The following ATM variants were observed in gnomAD, a reference collection of about 807,000 sequenced individuals.
ATM encodes serine-protein kinase ATM.
A neutral mutation model predicts 387.0 loss-of-function variants in ATM; 308 were observed. The ratio of observed to expected loss-of-function variants is 0.80; its 90% CI spans 0.73 to 0.87. The LOEUF is 0.87. Ranked by LOEUF, ATM falls within the 40% of genes least tolerant of loss-of-function variation. ATM has a pLI of 0.00. For missense variants in ATM, 3,312 were observed against 3,560.9 expected, an observed-to-expected ratio of 0.93 and a Z score of 1.78; for synonymous variants, 1,156 against 1,187.3, an observed-to-expected ratio of 0.97 and a Z score of 0.54.
intron 5 of ATM, among the ~76,000 whole-genome samples, chr11:108,240,951 A>G (rs1416233440): frequency 1.3e-5 from 2 of 152,224 alleles, no homozygotes; most frequent in Non-Finnish European, 2.9e-5. Context: ...TTAAAATACA[A>G]ATGCATTGTA....
intron 20 of ATM, 27 bp downstream of exon 20, chr11:108,271,433 A>G (rs200922643): frequency 1.9e-5 from 30 of 1,613,596 alleles, no homozygotes; most frequent in African/African-American, 8.0e-5. Context: ...TTGTGGTCCT[A>G]TTTTTCTTTT....
chr11:108,346,158 CTTCT>C (rs2088362234), intron 58 of ATM, among the ~76,000 whole-genome samples: 1 of 151,990 alleles, frequency 6.6e-6, no homozygotes, highest in Admixed American at 6.6e-5. Context: ...ACAGGGTTTT[CTTCT>C]TTGTTTTATA....
At chr11:108,325,264 T>C in intron 45 of ATM, 46 bp from the exon 46 acceptor site, 1 of 1,085,966 alleles carries the variant, frequency 9.2e-7, no homozygotes, top group Non-Finnish European at 1.3e-6. Context: ...TTTTTTTTTT[T>C]TTTTCATTTC....
Position 108,247,140 on chromosome 11 carries a change from G to A in ATM, c.1065+13G>A, listed in dbSNP as rs2135270116. On this transcript the variant is annotated intron_variant, in intron 8 of 62. Transcript: ENST00000675843. ...TATCTGTCACCAGGTACAGTAAGTAGGTCATGTCACATTTAGAAATTTCCT... is the reference window on the plus strand; with the variant it reads ...TATCTGTCACCAGGTACAGTAAGTAAGTCATGTCACATTTAGAAATTTCCT... 5 of 1,613,112 alleles carry A rather than the reference G, an allele frequency of 3.1e-6. No homozygotes were observed. The highest frequency in any genetic ancestry group is 4.2e-6 in the Non-Finnish European group (5 of 1,179,580).
intron 57 of ATM, 39 bp downstream of exon 57, chr11:108,343,410 T>C (rs1555135972): frequency 6.2e-7 from 1 of 1,610,050 alleles, no homozygotes; most frequent in Non-Finnish European, 8.5e-7. Flanking sequence ...TGTAAGATTA[T>C]TTAATGGCTT....
intron 14 of ATM, among the ~76,000 whole-genome samples, chr11:108,256,980 G>T (rs1466837935): frequency 6.6e-6 from 1 of 152,138 alleles, no homozygotes; most frequent in African/African-American, 2.4e-5. Flanking sequence ...ATAAACATAC[G>T]TGTGCATGTG....
chr11:108,231,997 GAT>G (rs1355755815), intron 4 of ATM, among the ~76,000 whole-genome samples: 1 of 152,176 alleles, frequency 6.6e-6, no homozygotes, highest in African/African-American at 2.4e-5. Context: ...ATAATGCTGG[GAT>G]ATAGTAGGTA....
Position 108,335,904 on chromosome 11 carries a change from A to C in ATM, c.8211A>C (p.Thr2737=), listed in dbSNP as rs876660946. The stretch of plus-strand genomic sequence containing the variant: ...AACAGGTCTTCCAGATGTGTAATAC[A>C]TTACTGCAGAGAAACACGGAAACTA... ...VMQQVFQMCN[T]LLQRNTETRK... The change falls in exon 56 of 63, where the codon ACA becomes ACC. Residue 2737 remains threonine, a synonymous_variant. Coordinates refer to ENST00000675843, the MANE Select transcript of ATM (RefSeq NM_000051.4). The C allele has an allele frequency of 6.2e-7, 1 of 1,614,078 alleles. No individual in the cohort carries two copies. Among genetic ancestry groups the C allele is most frequent in the Non-Finnish European group, 8.5e-7 (1 of 1,179,976 alleles).
chr11:108,327,638 T>C lies in ATM; in HGVS notation c.6976-7T>C. The stretch of plus-strand genomic sequence containing the variant: ...TTATATTTTAAGATTTTGCCTTTCT[T>C]ATACAGAACAATCCCAGCCTAAAAC... On this transcript the variant is annotated splice_region_variant and splice_polypyrimidine_tract_variant and intron_variant, in intron 47 of 62. Transcript: ENST00000675843. 6.2e-7 allele frequency: 1 copy of C among 1,611,364 alleles called. No homozygotes were observed. The highest frequency in any genetic ancestry group is 1.1e-5 in the South Asian group (1 of 91,006).
intron 56 of ATM, among the ~76,000 whole-genome samples, chr11:108,337,536 G>A (rs1417946041): frequency 6.6e-6 from 1 of 152,152 alleles, no homozygotes; most frequent in Non-Finnish European, 1.5e-5. Context: ...CAAGATTAGG[G>A]TAGAACCTGT....
rs2080310621 is a variant in ATM, at chr11:108,253,964, C to T, written c.2049C>T (p.His683=). ...AGTCCAGTATTGGCTTCTCTGTCCACCAGAATCTCAAGGAATCACTGGATC... is the reference window on the plus strand; with the variant it reads ...AGTCCAGTATTGGCTTCTCTGTCCATCAGAATCTCAAGGAATCACTGGATC... The part of the protein sequence containing the change: ...KHQSSIGFSV[H]QNLKESLDRC... Residue 683 remains histidine (H), a synonymous_variant, in exon 13 of 63, where the codon CAC becomes CAT. Transcript: ENST00000675843. The T allele has an allele frequency of 6.2e-7, 1 of 1,613,910 alleles. No individual in the cohort carries two copies. The highest frequency in any genetic ancestry group is 8.5e-7 in the Non-Finnish European group (1 of 1,179,984).
Position 108,365,421 on chromosome 11 carries a change from TGGTG to T in ATM, c.9086_9089del (p.Gly3029AspfsTer3). On this transcript the variant is annotated frameshift_variant, in exon 63 of 63. Coordinates refer to ENST00000675843, the MANE Select transcript of ATM (RefSeq NM_000051.4). LOFTEE classifies it high-confidence loss of function. ...TGGAAGAAGGCACTGTGCTCAGTGTTGGTGGACAAGTGAATTTGCTCATACAGCA... is the reference window on the plus strand; with the variant it reads ...TGGAAGAAGGCACTGTGCTCAGTGTTGACAAGTGAATTTGCTCATACAGCA... 1 of 1,614,180 alleles carries T rather than the reference TGGTG, an allele frequency of 6.2e-7. No homozygotes were observed. Among genetic ancestry groups the T allele is most frequent in the Non-Finnish European group, 8.5e-7 (1 of 1,180,032 alleles).
intron 1 of ATM, chr11:108,224,470 A>G (rs534706160): frequency 6.6e-6 from 1 of 152,222 alleles, no homozygotes; most frequent in Non-Finnish European, 1.5e-5. Flanking sequence ...AGTGGAACCT[A>G]GATATTCTGG....
chr11:108,329,890 T>C (rs1237228745), intron 49 of ATM, among the ~76,000 whole-genome samples: 1 of 152,248 alleles, frequency 6.6e-6, no homozygotes, highest in Non-Finnish European at 1.5e-5. Flanking sequence ...ATATTGAAAT[T>C]AATTACAAAA....
chr11:108,308,920 G>C, intron 38 of ATM: 1 of 1,100,018 alleles, frequency 9.1e-7, no homozygotes, highest in South Asian at 1.3e-5. Context: ...GAGAGCATTT[G>C]TTTTCTTGGT....
intron 23 of ATM, 58 bp from the exon 24 acceptor site, chr11:108,280,937 A>T (rs2082195744): frequency 6.7e-7 from 1 of 1,493,332 alleles, no homozygotes; most frequent in African/African-American, 1.4e-5. Context: ...GGGATTTTAT[A>T]ATTGATTGTT....
rs540172506 is a variant in ATM, at chr11:108,365,343, C to G, written c.9006C>G (p.Phe3002Leu). 1 of 1,614,162 alleles carries G rather than the reference C, an allele frequency of 6.2e-7. No homozygotes were observed. Among genetic ancestry groups the G allele is most frequent in the Non-Finnish European group, 8.5e-7 (1 of 1,180,022 alleles). Residue 3002 changes from phenylalanine (F) to leucine (L), a missense_variant, in exon 63 of 63, where the codon TTC becomes TTG. This residue lies in a region of ATM where 95 missense variants were observed against 100.3 expected (regional missense o/e 0.95). Transcript: ENST00000675843. ...TCCTTAGTGATATTGACCAGAGTTTCAACAAAGTAGCTGAACGTGTCTTAA... is the reference window on the plus strand; with the variant it reads ...TCCTTAGTGATATTGACCAGAGTTTGAACAAAGTAGCTGAACGTGTCTTAA... ...KRNLSDIDQS[F>L]NKVAERVLMR...
intron 44 of ATM, among the ~76,000 whole-genome samples, chr11:108,320,750 C>A (rs925941331): frequency 6.6e-6 from 1 of 152,168 alleles, no homozygotes; most frequent in East Asian, 1.9e-4. Context: ...GTTAGGAGTG[C>A]TGAGCCCCTC....
rs4987995 is a variant in ATM at position 108,284,762 on chromosome 11, G to T, written c.3993+289G>T. On this transcript the variant is annotated intron_variant, in intron 26 of 62. Coordinates refer to ENST00000675843, the MANE Select transcript of ATM (RefSeq NM_000051.4). ...ATTTATTTTAACTGTTGTAATACACGAATGCAAACTGGTTGTTAAAGTCAA... is the reference window on the plus strand; with the variant it reads ...ATTTATTTTAACTGTTGTAATACACTAATGCAAACTGGTTGTTAAAGTCAA... 1.8e-3 allele frequency among the ~76,000 whole-genome samples: 274 copies of T among 152,100 alleles called. 1 individual carries two copies. The highest frequency in any genetic ancestry group is 3.4e-3 in the Non-Finnish European group (229 of 67,988).
Sources: allele counts gnomAD v4.1 joint callset (sites outside exome capture counted in the v4.1 genomes callset), GRCh38; gene constraint gnomAD v4.1.1; regional missense constraint gnomAD v4.1.1; transcripts MANE v1.5; gene names NCBI Gene and HGNC (gene_info 2026-07-23, HGNC 2026-07-21).